The following NNMT variants were observed in gnomAD, a reference collection of about 807,000 sequenced individuals.
The protein encoded by NNMT is nicotinamide N-methyltransferase.
Under a neutral mutation model 11.7 loss-of-function variants are expected in NNMT, and 10 were observed. The observed-to-expected ratio is 0.85, with a 90% CI of 0.53 to 1.45. NNMT has a LOEUF of 1.45. Ranked by LOEUF, NNMT falls within the 40% of genes most tolerant of loss-of-function variation. The probability of loss-of-function intolerance (pLI) is 0.00; values close to 1 mark genes in which losing one functional copy is unlikely to be tolerated. For synonymous variants in NNMT, 143 were observed against 133.8 expected (o/e 1.07, Z -0.48); for missense variants, 381 against 319.4 (o/e 1.19, Z -1.47).
chr11:114,271,133 G>C (rs1044501735), intron 2 of NNMT, among the ~76,000 whole-genome samples: 2 of 152,182 alleles, frequency 1.3e-5, no homozygotes, highest in African/African-American at 4.8e-5. Context: ...TTGGGGCCAA[G>C]GGGTTCAACA....
intron 2 of NNMT, among the ~76,000 whole-genome samples, chr11:114,305,127 C>T (rs1242701658): frequency 6.6e-6 from 1 of 152,196 alleles, no homozygotes; most frequent in Non-Finnish European, 1.5e-5. Flanking sequence ...GAATCAGAAC[C>T]TTCACTGTAA....
chr11:114,287,432 G>C (rs557201710), intron 2 of NNMT, among the ~76,000 whole-genome samples: 1 of 151,940 alleles, frequency 6.6e-6, no homozygotes, highest in Admixed American at 6.6e-5. Flanking sequence ...ATGTGAGGTG[G>C]GGTTCTAATT....
At position 114,263,560 on chromosome 11, in the gene NNMT, C is replaced by A. The variant is rs555676920; in HGVS notation, c.-130+626C>A. On this transcript the variant is annotated intron_variant, in intron 2 of 4. Transcript: ENST00000535401. ...CCTGAAGAGTATCTCAAAATCATGG[C>A]CACTTTATAACCTAGCTCTGCCCAC... 2.0e-5 allele frequency among the ~76,000 whole-genome samples: 3 copies of A among 152,286 alleles called. No individual in the cohort carries two copies. The South Asian group carries it at 6.2e-4, about 32-fold the overall frequency.
chr11:114,297,867 T>C, intron 1 of NNMT, 84 bp from the exon 2 acceptor site: 2 of 1,148,774 alleles, frequency 1.7e-6, no homozygotes, highest in Non-Finnish European at 2.6e-6. Context: ...GCCAGCACAG[T>C]CCCAGGGAAG....
At chr11:114,272,759 A>G (rs1384605002) in intron 2 of NNMT, among the ~76,000 whole-genome samples, 10 of 152,214 alleles carry the variant, frequency 6.6e-5, no homozygotes, top group Admixed American at 6.5e-4. Flanking sequence ...TAGGGAAACA[A>G]TGGTACTAGC....
At chr11:114,292,347 A>G (rs1390586384), upstream of NNMT, among the ~76,000 whole-genome samples, 1 of 152,236 alleles carries the variant, frequency 6.6e-6, no homozygotes, top group Non-Finnish European at 1.5e-5. Flanking sequence ...TCCAGCAAAC[A>G]TAAGCAATGA....
Position 114,301,073 on chromosome 11 carries a change from G to T in NNMT, c.362+2915G>T, listed in dbSNP as rs1414323172. Reference sequence around the variant, plus strand: ...ACCACTACACACCTATTAGATCTAGGCCAGAATCTGGAAGACTGACAACAC... The same window carrying T: ...ACCACTACACACCTATTAGATCTAGTCCAGAATCTGGAAGACTGACAACAC... On this transcript the variant is annotated intron_variant, in intron 2 of 2. Transcript: ENST00000299964. Among the ~76,000 whole-genome samples, 3 of 152,280 alleles carry T rather than the reference G, an allele frequency of 2.0e-5. No individual in the cohort carries two copies. In the East Asian group the frequency reaches 5.8e-4, roughly 29 times the overall value.
chr11:114,283,242 T>C (rs1175833482), intron 2 of NNMT, among the ~76,000 whole-genome samples: 3 of 152,130 alleles, frequency 2.0e-5, no homozygotes, highest in African/African-American at 7.2e-5. Flanking sequence ...AATCATTGTG[T>C]TGGGGAGTTG....
In NNMT at chr11:114,309,018, C is replaced by A. The variant is rs548453079; in HGVS notation, c.363-3027C>A. ...CTCAAGTGTTTCAAATAGCTTAATA[C>A]GCAATAGGGCACGGAGGTTCGTTCT... On this transcript the variant is annotated intron_variant, in intron 2 of 2. Transcript: ENST00000299964. 3.9e-5 allele frequency among the ~76,000 whole-genome samples: 6 copies of A among 152,252 alleles called. No individual in the cohort carries two copies. The East Asian group carries it at 1.2e-3, about 29-fold the overall frequency.
At chr11:114,283,137 G>A (rs1453922139) in intron 2 of NNMT, among the ~76,000 whole-genome samples, 1 of 152,046 alleles carries the variant, frequency 6.6e-6, no homozygotes, top group African/African-American at 2.4e-5. Flanking sequence ...TTAAATATGT[G>A]GATACCTTAG....
intron 2 of NNMT, among the ~76,000 whole-genome samples, chr11:114,308,745 G>T (rs1016671502): frequency 6.6e-6 from 1 of 152,086 alleles, no homozygotes; most frequent in African/African-American, 2.4e-5. Flanking sequence ...CTGGGTCTCT[G>T]GTGAGTCCAT....
At chr11:114,292,788 A>C (rs1945344095), upstream of NNMT, among the ~76,000 whole-genome samples, 1 of 151,890 alleles carries the variant, frequency 6.6e-6, no homozygotes, top group Non-Finnish European at 1.5e-5. Flanking sequence ...AGAGGGTAGA[A>C]AAAAATTAAT....
intron 2 of NNMT, among the ~76,000 whole-genome samples, chr11:114,277,553 A>G (rs1473575501): frequency 6.6e-6 from 1 of 152,212 alleles, no homozygotes; most frequent in Non-Finnish European, 1.5e-5. Context: ...ATTTGAGGGT[A>G]AGCCACGTGA....
intron 2 of NNMT, among the ~76,000 whole-genome samples, chr11:114,280,484 T>C (rs1382336474): frequency 3.3e-5 from 5 of 152,170 alleles, no homozygotes; most frequent in Non-Finnish European, 5.9e-5. Context: ...GAGCTGATCC[T>C]GCCTGTTGCA....
At chr11:114,260,165 C>T (rs576333972) in intron 1 of NNMT, among the ~76,000 whole-genome samples, 8 of 152,318 alleles carry the variant, frequency 5.3e-5, no homozygotes, top group South Asian at 2.1e-4. Flanking sequence ...AGACGCTGAG[C>T]GCTGGCCTCA....
At chr11:114,288,359 A>G (rs1299539656) in intron 2 of NNMT, among the ~76,000 whole-genome samples, 2 of 152,010 alleles carry the variant, frequency 1.3e-5, no homozygotes, top group Non-Finnish European at 1.5e-5. Flanking sequence ...GGTAATCTTT[A>G]TCTGATTAAG....
At chr11:114,304,516 A>C (rs1945471154) in intron 2 of NNMT, among the ~76,000 whole-genome samples, 1 of 152,206 alleles carries the variant, frequency 6.6e-6, no homozygotes, top group Non-Finnish European at 1.5e-5. Context: ...AATGATAATG[A>C]TCCTATGCAA....
intron 2 of NNMT, among the ~76,000 whole-genome samples, chr11:114,267,742 C>T (rs1945132612): frequency 6.6e-6 from 1 of 152,034 alleles, no homozygotes; most frequent in African/African-American, 2.4e-5. Context: ...TAAAGAAAAT[C>T]CCAGACATCG....
intron 2 of NNMT, among the ~76,000 whole-genome samples, chr11:114,286,807 T>C (rs2135261863): frequency 6.6e-6 from 1 of 152,322 alleles, no homozygotes; most frequent in Admixed American, 6.5e-5. Flanking sequence ...TTACTGGGCA[T>C]AGGGTACGCA....
Sources: gnomAD v4.1 joint callset for allele counts (sites outside exome capture counted in the v4.1 genomes callset) on GRCh38, gnomAD v4.1.1 for gene constraint, MANE v1.5 for transcripts, NCBI Gene and HGNC (gene_info 2026-07-23, HGNC 2026-07-21) for gene names.